Variants in BTN2A2 observed in about 807,000 individuals in gnomAD.
BTN2A2 encodes butyrophilin subfamily 2 member A2.
In BTN2A2, 29 loss-of-function variants were observed where a neutral mutation model predicts 34.7. That is an observed-to-expected ratio of 0.84 (90% CI 0.62 to 1.14). The LOEUF is 1.14. Among genes scored for constraint, BTN2A2 ranks in the 50% most tolerant of loss-of-function variants. BTN2A2 has a pLI of 0.00. For missense variants in BTN2A2, 612 were observed against 651.5 expected (o/e 0.94, Z 0.66); for synonymous variants, 240 against 253.1 (o/e 0.95, Z 0.49).
At chr6:26,390,595 G>A in intron 5 of BTN2A2, 92 bp from the exon 6 acceptor site, 1 of 1,525,322 alleles carries the variant, frequency 6.6e-7, no homozygotes, top group Non-Finnish European at 9.1e-7. Context: ...GGTGTTCATA[G>A]AAAGGATGGT....
intron 4 of BTN2A2, 33 bp downstream of exon 4, chr6:26,388,327 G>A: frequency 6.2e-7 from 1 of 1,607,638 alleles, no homozygotes. Flanking sequence ...CCTATCAAGT[G>A]TATGCAGGAT....
At position 26,389,953 on chromosome 6, in the gene BTN2A2, C is replaced by T. The variant is rs367636113; in HGVS notation, c.725-52C>T. The T allele has an allele frequency of 4.3e-4, 680 of 1,574,268 alleles. 11 individuals are homozygous for T. The South Asian group carries it at 6.8e-3, about 16-fold the overall frequency. On this transcript the variant is annotated intron_variant, in intron 4 of 7. Coordinates refer to ENST00000356709, the MANE Select transcript of BTN2A2 (RefSeq NM_006995.5). ...TCAGATGTGCTCTTAGGGGCACTCT[C>T]ATCCAGATGTTCTATTTCAAACTAA... is the stretch of plus-strand genomic sequence containing the variant.
At position 26,385,152 on chromosome 6, in the gene BTN2A2, G is replaced by A. The variant is rs759388758; in HGVS notation, c.232G>A (p.Ala78Thr). The A allele has an allele frequency of 3.1e-5, 50 of 1,613,912 alleles. No homozygotes were observed. The highest frequency in any genetic ancestry group is 3.9e-5 in the Non-Finnish European group (46 of 1,180,026). Reference protein sequence around the residue: ...VRWFRSQFSPAVFVYKGGRER... With the variant: ...VRWFRSQFSPTVFVYKGGRER... Reference sequence around the variant, plus strand: ...GTGGTTCCGGTCTCAGTTCTCCCCCGCAGTGTTTGTGTATAAGGGTGGGAG... The same window carrying A: ...GTGGTTCCGGTCTCAGTTCTCCCCCACAGTGTTTGTGTATAAGGGTGGGAG... The change falls in exon 3 of 8, where the codon GCA becomes ACA. Residue 78 changes from alanine (A) to threonine (T), a missense_variant. Coordinates refer to ENST00000356709, the MANE Select transcript of BTN2A2 (RefSeq NM_006995.5).
Position 26,383,981 on chromosome 6 carries a change from A to G in BTN2A2, c.94+66A>G. ...GGAACATCAACCCTGTAGTCTGCAA[A>G]GGGAAAGAAGGAAGAACTGTGGGGT... On this transcript the variant is annotated intron_variant, in intron 2 of 7. Coordinates refer to ENST00000356709, the MANE Select transcript of BTN2A2 (RefSeq NM_006995.5). This position sits in a 1 kb window ranked among gnomAD's most constrained non-coding sequence, Gnocchi z 4.4. 5.2e-6 allele frequency: 8 copies of G among 1,528,448 alleles called. No homozygotes were observed. The South Asian group carries it at 9.0e-5, about 17-fold the overall frequency. 94.7% of individuals were successfully genotyped at this position (1,528,448 alleles called of 1,614,324 possible). A position where few individuals can be genotyped will look rare whatever the true frequency, so the allele number is the denominator to read the frequency against.
At position 26,393,549 on chromosome 6, in the gene BTN2A2, C is replaced by T; in HGVS notation, c.*582C>T. 2.0e-6 allele frequency: 2 copies of T among 1,014,578 alleles called. No homozygotes were observed. Among genetic ancestry groups the T allele is most frequent in the Non-Finnish European group, 2.4e-6 (2 of 847,864 alleles). 62.8% of individuals were successfully genotyped at this position (1,014,578 alleles called of 1,614,324 possible). On this transcript the variant is annotated 3_prime_UTR_variant, in exon 8 of 8. Transcript: ENST00000356709. Reference sequence around the variant, plus strand: ...TTTCCACCCAACCCCAGGATTTCCACAGCACACACCCACAGGCCTGGACCT... The same window carrying T: ...TTTCCACCCAACCCCAGGATTTCCATAGCACACACCCACAGGCCTGGACCT...
In BTN2A2 at chr6:26,384,201, G is replaced by T. The variant is rs1479431073; in HGVS notation, c.94+286G>T. On this transcript the variant is annotated intron_variant, in intron 2 of 7. Coordinates refer to ENST00000356709, the MANE Select transcript of BTN2A2 (RefSeq NM_006995.5). The surrounding 1 kb of genome is among the most constrained non-coding windows in gnomAD (Gnocchi z 4.0). Reference sequence around the variant, plus strand: ...TCTGTTGCCAGGCCGGAATGAAGCAGATGGAGAATGAGATCATAACTCACT... The same window carrying T: ...TCTGTTGCCAGGCCGGAATGAAGCATATGGAGAATGAGATCATAACTCACT... 1.3e-5 allele frequency among the ~76,000 whole-genome samples: 2 copies of T among 152,212 alleles called. No individual in the cohort carries two copies. The highest frequency in any genetic ancestry group is 4.8e-5 in the African/African-American group (2 of 41,454).
chr6:26,389,983 A>T (rs1761462827), intron 4 of BTN2A2, 22 bp from the exon 5 acceptor site: 1 of 1,608,690 alleles, frequency 6.2e-7, no homozygotes, highest in African/African-American at 1.3e-5. Flanking sequence ...AACTAAATGG[A>T]CTTTTCTGGC....
In BTN2A2 at chr6:26,388,178, G is replaced by A. The variant is rs1315176674; in HGVS notation, c.608G>A (p.Gly203Asp). Residue 203 changes from glycine to aspartate, a missense_variant, in exon 4 of 8, where the codon GGC becomes GAC. Coordinates refer to ENST00000356709, the MANE Select transcript of BTN2A2 (RefSeq NM_006995.5). ...LKEVSIADAD[G>D]LFMVTTAVII... ...GAGGTTTCCATCGCTGATGCTGACG[G>A]CCTCTTCATGGTCACCACAGCTGTG... The A allele has an allele frequency of 7.4e-6, 12 of 1,614,098 alleles. No homozygotes were observed. The highest frequency in any genetic ancestry group is 1.0e-5 in the Non-Finnish European group (12 of 1,180,054).
intron 7 of BTN2A2, chr6:26,392,146 A>G (rs1761612140): frequency 7.3e-7 from 1 of 1,369,404 alleles, no homozygotes; most frequent in African/African-American, 1.5e-5. Flanking sequence ...GATTTCATAG[A>G]GCCACAATTC....
chr6:26,393,029 C>T lies in BTN2A2; in HGVS notation c.*62C>T. 2 of 1,613,124 alleles carry T rather than the reference C, an allele frequency of 1.2e-6. No individual in the cohort carries two copies. Among genetic ancestry groups the T allele is most frequent in the East Asian group, 2.2e-5 (1 of 44,864 alleles). On this transcript the variant is annotated 3_prime_UTR_variant, in exon 8 of 8. Transcript: ENST00000356709. The stretch of plus-strand genomic sequence containing the variant: ...CCTGGCCATCTCAGCAGCCACCGCA[C>T]AACCCCCCTAATGAAAGACACGCCC...
In BTN2A2 at chr6:26,393,526, T is replaced by C; in HGVS notation, c.*559T>C. ...GGGTCCTGGGAGATGATGGCTCATT[T>C]CCACCCAACCCCAGGATTTCCACAG... is the stretch of plus-strand genomic sequence containing the variant. On this transcript the variant is annotated 3_prime_UTR_variant, in exon 8 of 8. Transcript: ENST00000356709. 1 of 1,014,862 alleles carries C rather than the reference T, an allele frequency of 9.9e-7. No homozygotes were observed. The highest frequency in any genetic ancestry group is 1.2e-6 in the Non-Finnish European group (1 of 848,088). 62.9% of individuals were successfully genotyped at this position (1,014,862 alleles called of 1,614,324 possible).
At position 26,392,691 on chromosome 6, in the gene BTN2A2, C is replaced by A; in HGVS notation, c.1296C>A (p.Ser432=). ...GAAACCAATACCGGGCCCTGTCCTC[C>A]CCTGAGAGGATTCTCCCTTTGAAGG... The part of the protein sequence containing the change: ...MFGNQYRALS[S]PERILPLKES... Residue 432 remains serine, a synonymous_variant, in exon 8 of 8, where the codon TCC becomes TCA. Coordinates refer to ENST00000356709, the MANE Select transcript of BTN2A2 (RefSeq NM_006995.5). 6.2e-7 allele frequency: 1 copy of A among 1,614,186 alleles called. No homozygotes were observed. Among genetic ancestry groups the A allele is most frequent in the Non-Finnish European group, 8.5e-7 (1 of 1,180,034 alleles).
At chr6:26,388,889 A>C (rs950139276) in intron 4 of BTN2A2, among the ~76,000 whole-genome samples, 1 of 152,212 alleles carries the variant, frequency 6.6e-6, no homozygotes, top group Non-Finnish European at 1.5e-5. Flanking sequence ...TGGGAGGCCA[A>C]GGTGGTTGGA....
rs149930183 is a variant in BTN2A2 at position 26,394,123 on chromosome 6, A to G, written c.*1156A>G. 6.8e-4 allele frequency: 384 copies of G among 565,764 alleles called. 1 individual carries two copies. The highest frequency in any genetic ancestry group is 6.6e-3 in the African/African-American group (355 of 53,404). 35.0% of individuals were successfully genotyped at this position (565,764 alleles called of 1,614,324 possible). A position where few individuals can be genotyped will look rare whatever the true frequency, so the allele number is the denominator to read the frequency against. ...GCTCAAAAAAACTTTACTGCACACT[A>G]CTGAGAGAATGAGATGAAAAACGAT... On this transcript the variant is annotated 3_prime_UTR_variant, in exon 8 of 8. Transcript: ENST00000356709.
chr6:26,392,120 T>C (rs1440013942), intron 7 of BTN2A2: 2 of 1,165,466 alleles, frequency 1.7e-6, no homozygotes, highest in African/African-American at 3.1e-5. Flanking sequence ...TTTTGGCTCA[T>C]TTCCTAAACT....
chr6:26,385,501 G>A, intron 3 of BTN2A2, 139 bp downstream of exon 3: 1 of 794,658 alleles, frequency 1.3e-6, no homozygotes, highest in Non-Finnish European at 2.0e-6. Context: ...GCTTCCTCTT[G>A]CACAAAGGCC....
Position 26,384,872 on chromosome 6 carries a change from C to G in BTN2A2, c.95-143C>G. The G allele has an allele frequency of 1.1e-6, 1 of 914,090 alleles. No individual in the cohort carries two copies. Among genetic ancestry groups the G allele is most frequent in the Non-Finnish European group, 1.6e-6 (1 of 619,690 alleles). The allele number at this position is 914,090 out of a possible 1,614,324, so 56.6% of individuals were successfully genotyped here. A position where few individuals can be genotyped will look rare whatever the true frequency, so the allele number is the denominator to read the frequency against. Reference sequence around the variant, plus strand: ...CTGGTCCCCAGAAGGGTTCTCAGCCCAAGAACCCCTGTAGCCTTGGAATAT... The same window carrying G: ...CTGGTCCCCAGAAGGGTTCTCAGCCGAAGAACCCCTGTAGCCTTGGAATAT... On this transcript the variant is annotated intron_variant, in intron 2 of 7. Coordinates refer to ENST00000356709, the MANE Select transcript of BTN2A2 (RefSeq NM_006995.5). This position sits in a 1 kb window ranked among gnomAD's most constrained non-coding sequence, Gnocchi z 4.0.
rs916682871 is a variant in BTN2A2 at position 26,394,283 on chromosome 6, G to A, written c.*1316G>A. Reference sequence around the variant, plus strand: ...GTGGATCCTGGAAGTTAATCCATGTGCTGGTTAATTTTAGATGTCAACCTG... The same window carrying A: ...GTGGATCCTGGAAGTTAATCCATGTACTGGTTAATTTTAGATGTCAACCTG... On this transcript the variant is annotated 3_prime_UTR_variant, in exon 8 of 8. Transcript: ENST00000356709. The A allele has an allele frequency of 8.6e-6, 6 of 700,444 alleles. No individual in the cohort carries two copies. Among genetic ancestry groups the A allele is most frequent in the Admixed American group, 6.0e-5 (3 of 49,956 alleles). 43.4% of individuals were successfully genotyped at this position (700,444 alleles called of 1,614,324 possible).
chr6:26,394,449 G>A lies in BTN2A2; in HGVS notation c.*1482G>A, dbSNP rs1761770337. On this transcript the variant is annotated 3_prime_UTR_variant, in exon 8 of 8. Coordinates refer to ENST00000356709, the MANE Select transcript of BTN2A2 (RefSeq NM_006995.5). Reference sequence around the variant, plus strand: ...GCTGGGTGCCCAATACAACAAAAAGGCAGAGGAAAGGCAAATTCTTCTCTC... The same window carrying A: ...GCTGGGTGCCCAATACAACAAAAAGACAGAGGAAAGGCAAATTCTTCTCTC... 4.8e-6 allele frequency: 3 copies of A among 629,548 alleles called. No individual in the cohort carries two copies. The highest frequency in any genetic ancestry group is 5.8e-6 in the Non-Finnish European group (2 of 344,490). The allele number at this position is 629,548 out of a possible 1,614,324, so 39.0% of individuals were successfully genotyped here.
Sources: allele counts gnomAD v4.1 joint callset (sites outside exome capture counted in the v4.1 genomes callset), GRCh38; gene constraint gnomAD v4.1.1; non-coding constraint Gnocchi (gnomAD v3.1); transcripts MANE v1.5; gene names NCBI Gene and HGNC (gene_info 2026-07-23, HGNC 2026-07-21).